The following ZBTB20 variants were observed in gnomAD, a reference collection of about 807,000 sequenced individuals.
ZBTB20 encodes zinc finger and BTB domain-containing protein 20.
ZBTB20 carries 9 observed loss-of-function variants against 56.9 expected under a neutral mutation model. The observed-to-expected ratio is 0.16, with a 90% CI of 0.10 to 0.28. ZBTB20 has a LOEUF of 0.28. ZBTB20 is among the 10% of genes least tolerant of loss of function. The probability of loss-of-function intolerance (pLI) is 1.00; values close to 1 mark genes in which losing one functional copy is unlikely to be tolerated. For missense variants in ZBTB20, 655 were observed against 1,003.0 expected, an observed-to-expected ratio of 0.65 and a Z score of 4.69; for synonymous variants, 417 against 420.7, an observed-to-expected ratio of 0.99 and a Z score of 0.11.
intron 1 of ZBTB20, among the ~76,000 whole-genome samples, chr3:115,118,103 C>A (rs1692887256): frequency 6.6e-6 from 1 of 152,182 alleles, no homozygotes; most frequent in African/African-American, 2.4e-5. Context: ...AAGTGTTTAA[C>A]CCTTAGGAAA....
intron 6 of ZBTB20, among the ~76,000 whole-genome samples, chr3:114,563,259 G>A (rs893575578): frequency 2.0e-5 from 3 of 152,156 alleles, no homozygotes; most frequent in Non-Finnish European, 4.4e-5. Flanking sequence ...TTGAATAGCA[G>A]ATGAGACACA....
chr3:114,970,683 A>G (rs1576455893), intron 3 of ZBTB20, among the ~76,000 whole-genome samples: 1 of 152,320 alleles, frequency 6.6e-6, no homozygotes, highest in African/African-American at 2.4e-5. Flanking sequence ...TAAGGTCACA[A>G]TCAATTACTT....
At chr3:114,437,053 G>C (rs911125977) in intron 7 of ZBTB20, among the ~76,000 whole-genome samples, 2 of 152,144 alleles carry the variant, frequency 1.3e-5, no homozygotes, top group African/African-American at 4.8e-5. Context: ...GTGTAAAGCA[G>C]TTTTGAACTG....
At chr3:114,812,881 G>A (rs1256654440) in intron 4 of ZBTB20, among the ~76,000 whole-genome samples, 1 of 152,236 alleles carries the variant, frequency 6.6e-6, no homozygotes, top group Non-Finnish European at 1.5e-5. Context: ...ATTGAGCACA[G>A]CAGCTGCTGG....
At chr3:114,793,408 C>T (rs188621417) in intron 5 of ZBTB20, among the ~76,000 whole-genome samples, 73 of 151,812 alleles carry the variant, frequency 4.8e-4, no homozygotes, top group Middle Eastern at 3.4e-3. Flanking sequence ...GTTATTGGAA[C>T]GATTATATGT....
intron 8 of ZBTB20, among the ~76,000 whole-genome samples, chr3:114,386,091 C>A (rs2085083170): frequency 6.6e-6 from 1 of 152,142 alleles, no homozygotes; most frequent in Non-Finnish European, 1.5e-5. Flanking sequence ...GAGGGTTGAG[C>A]AAGCTGCACT....
chr3:115,090,127 T>G (rs552607535), intron 1 of ZBTB20, among the ~76,000 whole-genome samples: 23 of 151,802 alleles, frequency 1.5e-4, no homozygotes, highest in Non-Finnish European at 2.2e-4. Flanking sequence ...AACCTAGGAA[T>G]CTGTGTATTT....
At chr3:114,377,102 C>T (rs761889356) in intron 10 of ZBTB20, among the ~76,000 whole-genome samples, 1 of 152,194 alleles carries the variant, frequency 6.6e-6, no homozygotes, top group Non-Finnish European at 1.5e-5. Flanking sequence ...CTTGGCTCAG[C>T]TCATACTCAG....
intron 4 of ZBTB20, among the ~76,000 whole-genome samples, chr3:114,839,406 TGAAA>T (rs748321783): frequency 0.081 from 5,850 of 72,568 alleles, 155 homozygotes; most frequent in Middle Eastern, 0.1. Context: ...AGAGCCTGTC[TGAAA>T]GAAAGAAAGA....
chr3:114,608,224 T>C (rs889636407), intron 6 of ZBTB20, among the ~76,000 whole-genome samples: 1 of 152,208 alleles, frequency 6.6e-6, no homozygotes, highest in Non-Finnish European at 1.5e-5. Context: ...GGGAAGAGCA[T>C]AGGAAGAAAT....
intron 6 of ZBTB20, among the ~76,000 whole-genome samples, chr3:114,532,291 G>A (rs2047937714): frequency 6.6e-6 from 1 of 152,178 alleles, no homozygotes; most frequent in African/African-American, 2.4e-5. Context: ...GGACCCTCAA[G>A]CTTGGTGGGG....
chr3:115,124,216 GTTAAA>G (rs2084260902), intron 1 of ZBTB20, among the ~76,000 whole-genome samples: 1 of 152,152 alleles, frequency 6.6e-6, no homozygotes, highest in African/African-American at 2.4e-5. Context: ...TTTATGCTTT[GTTAAA>G]TTAAGAAATT....
intron 3 of ZBTB20, among the ~76,000 whole-genome samples, chr3:114,905,651 C>T (rs1414131984): frequency 2.0e-5 from 3 of 151,840 alleles, no homozygotes; most frequent in East Asian, 1.9e-4. Context: ...GAATCACATT[C>T]GTAAACAAGT....
At chr3:115,146,186 G>C (rs2084962475) in intron 1 of ZBTB20, among the ~76,000 whole-genome samples, 1 of 152,210 alleles carries the variant, frequency 6.6e-6, no homozygotes, top group Non-Finnish European at 1.5e-5. Flanking sequence ...ATTCAACCCA[G>C]TTCGGAGTGA....
chr3:114,441,522 T>C (rs2090923731), intron 7 of ZBTB20, among the ~76,000 whole-genome samples: 1 of 152,128 alleles, frequency 6.6e-6, no homozygotes, highest in African/African-American at 2.4e-5. Context: ...CGAATGTCCC[T>C]GTACCCGTCA....
At chr3:114,636,930 A>AAAAAC (rs141087326) in intron 6 of ZBTB20, among the ~76,000 whole-genome samples, 13 of 151,800 alleles carry the variant, frequency 8.6e-5, no homozygotes, top group South Asian at 4.2e-4. Flanking sequence ...CAACAACAAA[A>AAAAAC]AACAACAACA....
intron 6 of ZBTB20, among the ~76,000 whole-genome samples, chr3:114,649,332 T>C (rs978759797): frequency 2.0e-5 from 3 of 151,998 alleles, no homozygotes; most frequent in African/African-American, 7.2e-5. Flanking sequence ...AAAATTCCAG[T>C]TCTTGAGAAG....
chr3:114,913,342 G>C (rs2075618300), intron 3 of ZBTB20, among the ~76,000 whole-genome samples: 2 of 152,164 alleles, frequency 1.3e-5, no homozygotes, highest in South Asian at 4.1e-4. Flanking sequence ...CAATGATGTT[G>C]AGCACTTTTT....
intron 6 of ZBTB20, among the ~76,000 whole-genome samples, chr3:114,588,434 T>C (rs2055402218): frequency 6.6e-6 from 1 of 152,180 alleles, no homozygotes; most frequent in African/African-American, 2.4e-5. Context: ...CTTTCCTTGA[T>C]GGGTGGCAAA....
Sources: gnomAD v4.1 joint callset for allele counts (sites outside exome capture counted in the v4.1 genomes callset) on GRCh38, gnomAD v4.1.1 for gene constraint, MANE v1.5 for transcripts, NCBI Gene and HGNC (gene_info 2026-07-23, HGNC 2026-07-21) for gene names.